RAMP1: variants seen among roughly 807,000 people sequenced by gnomAD.
RAMP1 encodes receptor activity-modifying protein 1.
RAMP1 carries 7 observed loss-of-function variants against 8.2 expected under a neutral mutation model. The observed-to-expected ratio is 0.85, with a 90% confidence interval of 0.49 to 1.60. The LOEUF (loss-of-function observed/expected upper bound fraction) is 1.60. Among genes scored for constraint, RAMP1 ranks in the 40% most tolerant of loss-of-function variants. The pLI is 0.00. For missense variants in RAMP1, 192 were observed against 202.4 expected (o/e 0.95, Z 0.31); for synonymous variants, 92 against 84.7 (o/e 1.09, Z -0.47).
chr2:237,885,430 C>G (rs888375387), intron 2 of RAMP1, among the ~76,000 whole-genome samples: 1 of 152,270 alleles, frequency 6.6e-6, no homozygotes, highest in African/African-American at 2.4e-5. Context: ...GGGGCTGCCT[C>G]GGTGCCCTCG....
At chr2:237,897,014 G>A (rs964403154) in intron 2 of RAMP1, among the ~76,000 whole-genome samples, 6 of 152,226 alleles carry the variant, frequency 3.9e-5, no homozygotes, top group African/African-American at 9.6e-5. Flanking sequence ...TGTGCTGTCC[G>A]TGGGGATGGT....
chr2:237,860,466 T>G (rs2062121714), intron 1 of RAMP1, among the ~76,000 whole-genome samples: 1 of 152,162 alleles, frequency 6.6e-6, no homozygotes. Flanking sequence ...GGCAGCCTCA[T>G]GGCCACAGGA....
chr2:237,899,092 A>C (rs2062572695), intron 2 of RAMP1, among the ~76,000 whole-genome samples: 1 of 150,042 alleles, frequency 6.7e-6, no homozygotes, highest in African/African-American at 2.5e-5. Flanking sequence ...TTTCTTTGAG[A>C]CTGGGTCACA....
chr2:237,874,735 G>C (rs1470005555), intron 1 of RAMP1: 1 of 968,272 alleles, frequency 1.0e-6, no homozygotes, highest in Non-Finnish European at 1.2e-6. Context: ...TGGCTCATTT[G>C]ACAAATATGA....
rs944095521 is a variant in RAMP1, at chr2:237,878,155, C to T, written c.191+793C>T. 13 of 985,350 alleles carry T rather than the reference C, an allele frequency of 1.3e-5. No individual in the cohort carries two copies. The highest frequency in any genetic ancestry group is 1.6e-5 in the Non-Finnish European group (13 of 829,930). 61.0% of individuals were successfully genotyped at this position (985,350 alleles called of 1,614,324 possible). ...GCATGCGTGGAGCTGAAGGCCACCG[C>T]CTCCCTGCCATGCAAACTTCGCACA... On this transcript the variant is annotated intron_variant, in intron 2 of 2. Transcript: ENST00000254661. This position sits in a 1 kb window ranked among gnomAD's most constrained non-coding sequence, Gnocchi z 5.7.
chr2:237,901,444 A>AAGG (rs1271820955), intron 2 of RAMP1, among the ~76,000 whole-genome samples: 1 of 152,228 alleles, frequency 6.6e-6, no homozygotes, highest in Non-Finnish European at 1.5e-5. Context: ...GCATCCAGAA[A>AAGG]AGGCCTCTTT....
intron 2 of RAMP1, among the ~76,000 whole-genome samples, chr2:237,889,109 T>G (rs1175700500): frequency 6.6e-6 from 1 of 152,206 alleles, no homozygotes; most frequent in Non-Finnish European, 1.5e-5. Flanking sequence ...GCCATTGTGC[T>G]CTAAATATTT....
intron 1 of RAMP1, among the ~76,000 whole-genome samples, chr2:237,861,347 A>T (rs59071821): frequency 6.6e-6 from 1 of 152,196 alleles, no homozygotes; most frequent in Non-Finnish European, 1.5e-5. Context: ...AATTAATGTC[A>T]TTGGAGCCCA....
chr2:237,877,447 G>A lies in RAMP1; in HGVS notation c.191+85G>A. The stretch of plus-strand genomic sequence containing the variant: ...AGGAGGAGTGGACCACGTGGGAGCT[G>A]TGGAAGATCCTTTCTAGACCCCGGA... On this transcript the variant is annotated intron_variant, in intron 2 of 2. Transcript: ENST00000254661. This position sits in a 1 kb window ranked among gnomAD's most constrained non-coding sequence, Gnocchi z 4.4. 3 of 1,520,776 alleles carry A rather than the reference G, an allele frequency of 2.0e-6. No homozygotes were observed. Among genetic ancestry groups the A allele is most frequent in the Non-Finnish European group, 2.7e-6 (3 of 1,131,842 alleles). 94.2% of individuals were successfully genotyped at this position (1,520,776 alleles called of 1,614,324 possible). A position where few individuals can be genotyped will look rare whatever the true frequency, so the allele number is the denominator to read the frequency against.
rs925408040 is a variant in RAMP1, at chr2:237,900,828, T to C, written c.192-10700T>C. ...ATTGTAGCCTGAGAATATTGACTTATGATTTATACTCTGGGGATTTGATGA... is the reference window on the plus strand; with the variant it reads ...ATTGTAGCCTGAGAATATTGACTTACGATTTATACTCTGGGGATTTGATGA... On this transcript the variant is annotated intron_variant, in intron 2 of 2. Transcript: ENST00000254661. Among the ~76,000 whole-genome samples the C allele has an allele frequency of 9.2e-5, 14 of 152,226 alleles. 1 individual carries two copies. In the South Asian group the frequency reaches 1.0e-3, roughly 11 times the overall value.
intron 2 of RAMP1, among the ~76,000 whole-genome samples, chr2:237,896,296 G>A (rs1299722092): frequency 6.6e-6 from 1 of 152,240 alleles, no homozygotes; most frequent in Non-Finnish European, 1.5e-5. Flanking sequence ...GCCTGACTTG[G>A]CAGCTCCCAG....
At chr2:237,869,181 A>G (rs1391201008) in intron 1 of RAMP1, among the ~76,000 whole-genome samples, 2 of 152,090 alleles carry the variant, frequency 1.3e-5, no homozygotes, top group Non-Finnish European at 2.9e-5. Flanking sequence ...CGCAGGGGAG[A>G]GGATGGGGAA....
At chr2:237,908,373 G>A (rs1298779716) in intron 2 of RAMP1, among the ~76,000 whole-genome samples, 1 of 147,208 alleles carries the variant, frequency 6.8e-6, no homozygotes, top group Non-Finnish European at 1.5e-5. Context: ...GGTCTTGGGT[G>A]TGACTGTCCT....
At chr2:237,864,142 G>A (rs986371449) in intron 1 of RAMP1, among the ~76,000 whole-genome samples, 3 of 148,504 alleles carry the variant, frequency 2.0e-5, no homozygotes, top group African/African-American at 7.8e-5. Flanking sequence ...GGGAGGCAGA[G>A]TGACCTGGCC....
intron 2 of RAMP1, among the ~76,000 whole-genome samples, chr2:237,887,906 C>A (rs1421892196): frequency 6.6e-6 from 1 of 152,172 alleles, no homozygotes; most frequent in African/African-American, 2.4e-5. Context: ...CAAAGTGAGA[C>A]CTTGTCTGAA....
intron 2 of RAMP1, among the ~76,000 whole-genome samples, chr2:237,879,989 C>CAAAAA (rs35678960): frequency 0.068 from 5,145 of 75,622 alleles, 267 homozygotes; most frequent in East Asian, 0.18. Context: ...GACTTTGTCT[C>CAAAAA]AAAAAAAAAA....
At chr2:237,900,404 G>C (rs981741130) in intron 2 of RAMP1, among the ~76,000 whole-genome samples, 2 of 152,116 alleles carry the variant, frequency 1.3e-5, no homozygotes, top group African/African-American at 4.8e-5. Context: ...CAAGTGATCT[G>C]CCCACCTCGG....
intron 2 of RAMP1, among the ~76,000 whole-genome samples, chr2:237,891,196 G>GCT (rs1559947525): frequency 6.7e-6 from 1 of 149,310 alleles, no homozygotes; most frequent in African/African-American, 2.5e-5. Flanking sequence ...GTCACCCAGA[G>GCT]TGAGGGTGCA....
intron 1 of RAMP1, 84 bp downstream of exon 1, chr2:237,859,811 A>G (rs2062114802): frequency 1.7e-6 from 1 of 592,340 alleles, no homozygotes; most frequent in Non-Finnish European, 2.5e-6. Context: ...AGCGGGTGGG[A>G]GCGGGTGGGA....
Sources: allele counts gnomAD v4.1 joint callset (sites outside exome capture counted in the v4.1 genomes callset), GRCh38; gene constraint gnomAD v4.1.1; non-coding constraint Gnocchi (gnomAD v3.1); transcripts MANE v1.5; gene names NCBI Gene and HGNC (gene_info 2026-07-23, HGNC 2026-07-21).